Variants in SMNDC1 observed in about 807,000 individuals in gnomAD.
The protein encoded by SMNDC1 is survival motor neuron domain containing 1.
Under a neutral mutation model 29.2 loss-of-function variants are expected in SMNDC1, and 5 were observed. The observed-to-expected ratio is 0.17, with a 90% CI of 0.09 to 0.36. The LOEUF (loss-of-function observed/expected upper bound fraction) is 0.36, where lower values mean the gene tolerates loss of function less well. Ranked by LOEUF, SMNDC1 falls within the 10% of genes least tolerant of loss-of-function variation. SMNDC1 has a pLI of 1.00. For synonymous variants in SMNDC1, 80 were observed against 89.9 expected (o/e 0.89, Z 0.62); for missense variants, 142 against 268.5 (o/e 0.53, Z 3.29).
intron 2 of SMNDC1, among the ~76,000 whole-genome samples, chr10:110,300,065 G>C (rs1252429186): frequency 6.6e-6 from 1 of 152,140 alleles, no homozygotes; most frequent in African/African-American, 2.4e-5. Flanking sequence ...GTACACAACA[G>C]AAGAGTAAAT....
intron 2 of SMNDC1, among the ~76,000 whole-genome samples, chr10:110,299,991 T>A (rs1272864309): frequency 6.6e-6 from 1 of 152,246 alleles, no homozygotes; most frequent in Non-Finnish European, 1.5e-5. Flanking sequence ...ATTAATTAGA[T>A]CTTTTTAATT....
chr10:110,299,667 C>G (rs1031713288), intron 2 of SMNDC1, among the ~76,000 whole-genome samples: 1 of 152,194 alleles, frequency 6.6e-6, no homozygotes, highest in African/African-American at 2.4e-5. Context: ...GCTGTTCACC[C>G]ATTGTTGCAT....
intron 5 of SMNDC1, 134 bp downstream of exon 5, chr10:110,295,094 C>T (rs1857546788): frequency 1.4e-6 from 1 of 700,254 alleles, no homozygotes; most frequent in Non-Finnish European, 2.3e-6. Flanking sequence ...TTAAATTGAG[C>T]ATCAACAAGG....
chr10:110,295,786 C>T (rs1857555998), intron 4 of SMNDC1, among the ~76,000 whole-genome samples: 1 of 152,206 alleles, frequency 6.6e-6, no homozygotes, highest in African/African-American at 2.4e-5. Context: ...GGACTACAGG[C>T]ACATGCCACC....
At position 110,298,750 on chromosome 10, in the gene SMNDC1, GGTTGA is replaced by G; in HGVS notation, c.156_160del (p.Gln53PhefsTer2). ...GTCTGAACTTGCAAGCGTCTCAGAAGGTTGAGTTGACAGAAGGTCTTTGGTTAGTT... is the reference window on the plus strand; with the variant it reads ...GTCTGAACTTGCAAGCGTCTCAGAAGGTTGACAGAAGGTCTTTGGTTAGTT... On this transcript the variant is annotated frameshift_variant, in exon 3 of 6. Transcript: ENST00000369603. LOFTEE classifies it high-confidence loss of function. The G allele has an allele frequency of 1.2e-6, 2 of 1,613,598 alleles. No individual in the cohort carries two copies. The highest frequency in any genetic ancestry group is 1.7e-6 in the Non-Finnish European group (2 of 1,179,728).
intron 4 of SMNDC1, 50 bp from the exon 5 acceptor site, chr10:110,295,431 A>C (rs773205420): frequency 2.7e-6 from 4 of 1,485,896 alleles, no homozygotes; most frequent in African/African-American, 2.9e-5. Context: ...TCATACAAGA[A>C]TGACTTCCTT....
At position 110,292,443 on chromosome 10, in the gene SMNDC1, TC is replaced by T. The variant is rs1857510177; in HGVS notation, c.*1706del. On this transcript the variant is annotated 3_prime_UTR_variant, in exon 6 of 6. Coordinates refer to ENST00000369603, the MANE Select transcript of SMNDC1 (RefSeq NM_005871.4). Reference sequence around the variant, plus strand: ...CTATTCTAATACCACCAAGGTAATCTCAACAACCATTTTCTGGGGTCACACA... The same window carrying T: ...CTATTCTAATACCACCAAGGTAATCTAACAACCATTTTCTGGGGTCACACA... 1 of 152,144 alleles carries T rather than the reference TC, an allele frequency of 6.6e-6. No individual in the cohort carries two copies. Among genetic ancestry groups the T allele is most frequent in the South Asian group, 2.1e-4 (1 of 4,834 alleles). The allele number at this position is 152,144 out of a possible 1,614,324, so 9.4% of individuals were successfully genotyped here. A position where few individuals can be genotyped will look rare whatever the true frequency, so the allele number is the denominator to read the frequency against.
intron 2 of SMNDC1, 31 bp from the exon 3 acceptor site, chr10:110,298,821 A>G (rs1208021699): frequency 1.3e-6 from 2 of 1,536,090 alleles, no homozygotes; most frequent in Non-Finnish European, 1.8e-6. Context: ...CTACAACATT[A>G]TTTTTATAAT....
chr10:110,291,659 AGGAATACACAGGTAATAAATG>A lies in SMNDC1; in HGVS notation c.*2470_*2490del, dbSNP rs1351218517. 19 of 152,248 alleles carry A rather than the reference AGGAATACACAGGTAATAAATG, an allele frequency of 1.2e-4. No individual in the cohort carries two copies. The highest frequency in any genetic ancestry group is 2.1e-4 in the Non-Finnish European group (14 of 68,034). 9.4% of individuals were successfully genotyped at this position (152,248 alleles called of 1,614,324 possible). A position where few individuals can be genotyped will look rare whatever the true frequency, so the allele number is the denominator to read the frequency against. On this transcript the variant is annotated 3_prime_UTR_variant, in exon 6 of 6. Transcript: ENST00000369603. ...TCTACAGCTGAGAAAAATGAATCAG[AGGAATACACAGGTAATAAATG>A]GGAATACACAGGTAATAAATGGTAA... is the stretch of plus-strand genomic sequence containing the variant.
intron 2 of SMNDC1, among the ~76,000 whole-genome samples, chr10:110,301,908 A>T (rs973858606): frequency 2.0e-5 from 3 of 152,204 alleles, no homozygotes; most frequent in African/African-American, 7.2e-5. Context: ...CTAATGAGGA[A>T]TTATTCTAGA....
intron 2 of SMNDC1, chr10:110,300,625 C>T (rs1275006916): frequency 4.1e-6 from 4 of 985,288 alleles, no homozygotes; most frequent in African/African-American, 3.5e-5. Flanking sequence ...TTACAGTAAT[C>T]GGCAATTCCA....
In SMNDC1 at chr10:110,298,721, A is replaced by T. The variant is rs369192780; in HGVS notation, c.190T>A (p.Phe64Ile). 10 of 1,613,640 alleles carry T rather than the reference A, an allele frequency of 6.2e-6. No homozygotes were observed. Among genetic ancestry groups the T allele is most frequent in the Non-Finnish European group, 7.6e-6 (9 of 1,179,768 alleles). The change falls in exon 3 of 6, where the codon TTT (phenylalanine) becomes ATT (isoleucine). Residue 64 changes from phenylalanine to isoleucine, a missense_variant. By Grantham distance (21) the Phe-to-Ile change is conservative. This residue lies in a region of SMNDC1 where 65 missense variants were observed against 75.9 expected (regional missense o/e 0.86). Transcript: ENST00000369603. ...GAATGAGTAGGTTGAGTAGAAGCAA[A>T]ACTGTCTGAACTTGCAAGCGTCTCA... ...PSETLASSDS[F>I]ASTQPTHSWK...
At chr10:110,295,103 G>A (rs1483258901) in intron 5 of SMNDC1, 125 bp downstream of exon 5, 1 of 798,894 alleles carries the variant, frequency 1.3e-6, no homozygotes, top group Non-Finnish European at 1.9e-6. Context: ...GCATCAACAA[G>A]GATTCGGAAT....
At chr10:110,296,705 T>C (rs1264994792) in intron 4 of SMNDC1, among the ~76,000 whole-genome samples, 1 of 152,160 alleles carries the variant, frequency 6.6e-6, no homozygotes, top group Admixed American at 6.5e-5. Context: ...TGTGATCACA[T>C]CATATCCCCT....
Position 110,295,389 on chromosome 10 carries a change from A to C in SMNDC1, c.426-8T>G. ...TGGGCAATCATTTCTTTTCTGCATG[A>C]AAAAAAGTTAAATGTCAACTGTTAA... is the stretch of plus-strand genomic sequence containing the variant. On this transcript the variant is annotated splice_region_variant and splice_polypyrimidine_tract_variant and intron_variant, in intron 4 of 5. Coordinates refer to ENST00000369603, the MANE Select transcript of SMNDC1 (RefSeq NM_005871.4). The C allele has an allele frequency of 2.5e-6, 4 of 1,578,004 alleles. No individual in the cohort carries two copies. Among genetic ancestry groups the C allele is most frequent in the Non-Finnish European group, 2.6e-6 (3 of 1,170,032 alleles).
At chr10:110,300,374 T>C (rs188385703) in intron 2 of SMNDC1, among the ~76,000 whole-genome samples, 3 of 152,192 alleles carry the variant, frequency 2.0e-5, no homozygotes, top group African/African-American at 7.2e-5. Context: ...GACCCTTTTT[T>C]AGAAAAAATC....
intron 1 of SMNDC1, 140 bp from the exon 2 acceptor site, chr10:110,303,727 C>CT: frequency 1.4e-6 from 1 of 697,526 alleles, no homozygotes; most frequent in Non-Finnish European, 2.2e-6. Flanking sequence ...CCACCATTAC[C>CT]TTTACTCTCA....
chr10:110,300,002 A>C (rs1276666656), intron 2 of SMNDC1, among the ~76,000 whole-genome samples: 1 of 152,242 alleles, frequency 6.6e-6, no homozygotes, highest in South Asian at 2.1e-4. Context: ...CTTTTTAATT[A>C]GACAGTCCTT....
Position 110,294,022 on chromosome 10 carries a change from T to C in SMNDC1, c.*128A>G, listed in dbSNP as rs1336494291. On this transcript the variant is annotated 3_prime_UTR_variant, in exon 6 of 6. Transcript: ENST00000369603. Reference sequence around the variant, plus strand: ...GCAATTTCTTCACGTTTCATTCTACTGAAGCCAACCAATGACGACAATGGT... The same window carrying C: ...GCAATTTCTTCACGTTTCATTCTACCGAAGCCAACCAATGACGACAATGGT... 2.9e-6 allele frequency: 2 copies of C among 685,942 alleles called. No homozygotes were observed. Among genetic ancestry groups the C allele is most frequent in the Non-Finnish European group, 4.6e-6 (2 of 437,928 alleles). 42.5% of individuals were successfully genotyped at this position (685,942 alleles called of 1,614,324 possible). A position where few individuals can be genotyped will look rare whatever the true frequency, so the allele number is the denominator to read the frequency against.
Sources: gnomAD v4.1 joint callset for allele counts (sites outside exome capture counted in the v4.1 genomes callset) on GRCh38, gnomAD v4.1.1 for gene constraint, gnomAD v4.1.1 regional missense constraint, MANE v1.5 for transcripts, NCBI Gene and HGNC (gene_info 2026-07-23, HGNC 2026-07-21) for gene names.